The following HMGCLL1 variants were observed in gnomAD, a reference collection of about 807,000 sequenced individuals.
HMGCLL1 encodes the protein 3-hydroxy-3-methylglutaryl-CoA lyase like 1.
HMGCLL1 carries 36 observed loss-of-function variants against 39.1 expected under a neutral mutation model. That is an observed-to-expected ratio of 0.92 (90% confidence interval 0.71 to 1.22). HMGCLL1 has a LOEUF of 1.22. HMGCLL1 is among the 50% of genes most tolerant of loss of function. The probability of loss-of-function intolerance (pLI) is 0.00; values close to 1 mark genes in which losing one functional copy is unlikely to be tolerated. For missense variants in HMGCLL1, 451 were observed against 416.5 expected (o/e 1.08, Z -0.72); for synonymous variants, 149 against 144.0 (o/e 1.03, Z -0.25).
the HMGCLL1 span, among the ~76,000 whole-genome samples, chr6:55,602,841 T>C: frequency 0.012 from 1,807 of 152,280 alleles, 24 homozygotes; most frequent in Non-Finnish European, 0.02. Flanking sequence ...GAGATCTGTG[T>C]ATTATTTAAT....
chr6:55,506,859 T>C (rs1450745730), intron 5 of HMGCLL1, among the ~76,000 whole-genome samples: 1 of 151,590 alleles, frequency 6.6e-6, no homozygotes, highest in Non-Finnish European at 1.5e-5. Context: ...AAATATTGTA[T>C]GATGAAGTTG....
the HMGCLL1 span, among the ~76,000 whole-genome samples, chr6:55,664,155 A>C: frequency 6.6e-3 from 998 of 151,974 alleles, 18 homozygotes; most frequent in African/African-American, 0.022. Context: ...TAGATGGGGC[A>C]TTTAGCCCAT....
At chr6:55,601,956 A>T in the HMGCLL1 span, among the ~76,000 whole-genome samples, 4 of 152,132 alleles carry the variant, frequency 2.6e-5, no homozygotes, top group African/African-American at 9.6e-5. Context: ...AATCCATTCA[A>T]TCCTAATGTG....
At chr6:55,656,867 A>C in the HMGCLL1 span, among the ~76,000 whole-genome samples, 1 of 151,912 alleles carries the variant, frequency 6.6e-6, no homozygotes, top group Non-Finnish European at 1.5e-5. Context: ...AGACCAGTTA[A>C]ATTTTTATTG....
At chr6:55,563,172 T>G (rs2127471714) in intron 1 of HMGCLL1, among the ~76,000 whole-genome samples, 1 of 152,260 alleles carries the variant, frequency 6.6e-6, no homozygotes, top group African/African-American at 2.4e-5. Context: ...ATGAAAATTA[T>G]AACAACTAAA....
rs186977382 is a variant in HMGCLL1, at chr6:55,486,101, A to G, written c.795+9318T>C. 2.6e-4 allele frequency among the ~76,000 whole-genome samples: 39 copies of G among 148,676 alleles called. 1 individual carries two copies. Among genetic ancestry groups the G allele is most frequent in the Non-Finnish European group, 8.9e-5 (6 of 67,084 alleles). Reference sequence around the variant, plus strand: ...ACACACACACACATACACAATATGTATGTGTGTGTGTGTATATATATAGTC... The same window carrying G: ...ACACACACACACATACACAATATGTGTGTGTGTGTGTGTATATATATAGTC... On this transcript the variant is annotated intron_variant, in intron 7 of 8. Transcript: ENST00000274901.
upstream of HMGCLL1, among the ~76,000 whole-genome samples, chr6:55,582,036 G>T (rs1771994253): frequency 6.6e-6 from 1 of 152,048 alleles, no homozygotes; most frequent in Admixed American, 6.6e-5. Context: ...CTCATCCCTT[G>T]CTCTTTTTCT....
the HMGCLL1 span, among the ~76,000 whole-genome samples, chr6:55,653,157 C>A: frequency 2.6e-5 from 4 of 151,946 alleles, no homozygotes; most frequent in Admixed American, 6.6e-5. Context: ...AAACAAAAAA[C>A]CGGCTTTCCA....
chr6:55,657,751 T>C, the HMGCLL1 span, among the ~76,000 whole-genome samples: 1 of 151,982 alleles, frequency 6.6e-6, no homozygotes, highest in Non-Finnish European at 1.5e-5. Flanking sequence ...GATCATATCA[T>C]TTGCAGAAAC....
At chr6:55,573,991 G>T (rs1251431098) in intron 1 of HMGCLL1, among the ~76,000 whole-genome samples, 2 of 152,062 alleles carry the variant, frequency 1.3e-5, no homozygotes, top group Non-Finnish European at 2.9e-5. Flanking sequence ...TGATTTTATT[G>T]TAACTGGCTT....
chr6:55,442,947 A>C (rs1312218494), intron 7 of HMGCLL1, among the ~76,000 whole-genome samples: 1 of 152,282 alleles, frequency 6.6e-6, no homozygotes, highest in East Asian at 1.9e-4. Context: ...TATAGGTTAA[A>C]ACTGATCTAT....
intron 1 of HMGCLL1, among the ~76,000 whole-genome samples, chr6:55,573,644 G>A (rs546643188): frequency 1.3e-4 from 20 of 151,744 alleles, no homozygotes; most frequent in East Asian, 1.2e-3. Context: ...GATTGAATAC[G>A]GAGAAGAAAA....
Position 55,495,407 on chromosome 6 carries a change from A to G in HMGCLL1, c.795+12T>C. ...CTATGCACACACATAACACACAAAG[A>G]GTACAAAATACCTGAAGGGCCGTAA... On this transcript the variant is annotated intron_variant, in intron 7 of 8. Transcript: ENST00000274901. 1 of 1,606,568 alleles carries G rather than the reference A, an allele frequency of 6.2e-7. No homozygotes were observed. The highest frequency in any genetic ancestry group is 8.5e-7 in the Non-Finnish European group (1 of 1,174,760).
At chr6:55,618,997 A>T in the HMGCLL1 span, among the ~76,000 whole-genome samples, 14 of 152,190 alleles carry the variant, frequency 9.2e-5, no homozygotes, top group East Asian at 2.5e-3. Context: ...TGTTTGCTCC[A>T]AACACAAGAA....
At chr6:55,588,743 A>G in the HMGCLL1 span, among the ~76,000 whole-genome samples, 1 of 152,198 alleles carries the variant, frequency 6.6e-6, no homozygotes, top group Non-Finnish European at 1.5e-5. Context: ...GATCCCACAG[A>G]GATACAAACT....
chr6:55,444,921 A>G (rs1763749476), intron 7 of HMGCLL1, among the ~76,000 whole-genome samples: 1 of 152,040 alleles, frequency 6.6e-6, no homozygotes, highest in South Asian at 2.1e-4. Flanking sequence ...TCTGAGTAAA[A>G]GAGGACTTGT....
intron 1 of HMGCLL1, among the ~76,000 whole-genome samples, chr6:55,557,973 T>C (rs1001702725): frequency 6.6e-6 from 1 of 152,124 alleles, no homozygotes; most frequent in Non-Finnish European, 1.5e-5. Flanking sequence ...CTGTCAAAAA[T>C]ACTGGTGCCT....
At chr6:55,479,257 A>C (rs1330649287) in intron 7 of HMGCLL1, among the ~76,000 whole-genome samples, 1 of 151,558 alleles carries the variant, frequency 6.6e-6, no homozygotes, top group African/African-American at 2.4e-5. Flanking sequence ...ACTGTCAGGC[A>C]GTCTAGTATC....
At chr6:55,436,890 G>C (rs1763392563) in intron 8 of HMGCLL1, among the ~76,000 whole-genome samples, 1 of 151,938 alleles carries the variant, frequency 6.6e-6, no homozygotes, top group South Asian at 2.1e-4. Context: ...ACTAACATTT[G>C]CTTTGGTTTG....
Sources: gnomAD v4.1 joint callset for allele counts (sites outside exome capture counted in the v4.1 genomes callset) on GRCh38, gnomAD v4.1.1 for gene constraint, MANE v1.5 for transcripts, NCBI Gene and HGNC (gene_info 2026-07-23, HGNC 2026-07-21) for gene names.